Variants in TTC29 observed in about 807,000 individuals in gnomAD.
TTC29 encodes tetratricopeptide repeat protein 29.
TTC29 carries 49 observed loss-of-function variants against 58.1 expected under a neutral mutation model. The ratio of observed to expected loss-of-function variants is 0.84; its 90% CI spans 0.67 to 1.07. The LOEUF (loss-of-function observed/expected upper bound fraction) is 1.07. Among genes scored for constraint, TTC29 ranks in the 50% least tolerant of loss-of-function variants. TTC29 has a pLI of 0.00. For synonymous variants in TTC29, 209 were observed against 196.8 expected (o/e 1.06, Z -0.52); for missense variants, 582 against 555.6 (o/e 1.05, Z -0.48).
At chr4:146,842,686 C>T (rs572443779) in intron 8 of TTC29, among the ~76,000 whole-genome samples, 8 of 152,156 alleles carry the variant, frequency 5.3e-5, no homozygotes, top group African/African-American at 1.9e-4. Flanking sequence ...CCTTCCCCAC[C>T]ATAAAAAGTC....
chr4:146,715,218 T>A (rs569959511), intron 11 of TTC29, among the ~76,000 whole-genome samples: 1 of 152,180 alleles, frequency 6.6e-6, no homozygotes, highest in East Asian at 1.9e-4. Flanking sequence ...CAAAAAACTA[T>A]AAAACTAGAA....
chr4:146,822,146 T>G (rs116733614), intron 9 of TTC29, among the ~76,000 whole-genome samples: 7,584 of 151,396 alleles, frequency 0.05, 321 homozygotes, highest in Admixed American at 0.12. Flanking sequence ...GGGATACATG[T>G]GTAGAACACA....
chr4:146,918,859 T>G (rs1264837584), intron 4 of TTC29, among the ~76,000 whole-genome samples: 1 of 151,064 alleles, frequency 6.6e-6, no homozygotes, highest in Non-Finnish European at 1.5e-5. Flanking sequence ...TCAGCATCAT[T>G]CATTTTCTTT....
At chr4:146,894,995 C>A (rs1561229528) in intron 6 of TTC29, among the ~76,000 whole-genome samples, 1 of 152,164 alleles carries the variant, frequency 6.6e-6, no homozygotes, top group Admixed American at 6.5e-5. Flanking sequence ...TGCTATCCCC[C>A]AAACAGTGAG....
chr4:146,912,135 C>G (rs1733938986), intron 4 of TTC29, among the ~76,000 whole-genome samples: 1 of 152,110 alleles, frequency 6.6e-6, no homozygotes, highest in African/African-American at 2.4e-5. Flanking sequence ...AATCTCATAG[C>G]CTTTTTAAGA....
chr4:146,711,171 G>T (rs1742465433), intron 11 of TTC29, among the ~76,000 whole-genome samples: 1 of 152,008 alleles, frequency 6.6e-6, no homozygotes, highest in Non-Finnish European at 1.5e-5. Flanking sequence ...CCTGGTAATG[G>T]ATTCAACCTT....
intron 11 of TTC29, among the ~76,000 whole-genome samples, chr4:146,732,047 G>A (rs1744375666): frequency 6.6e-6 from 1 of 152,118 alleles, no homozygotes; most frequent in Non-Finnish European, 1.5e-5. Flanking sequence ...ACAAGTTTTG[G>A]AAACAAAATA....
chr4:146,814,937 TC>T (rs1751295755), intron 10 of TTC29, among the ~76,000 whole-genome samples: 1 of 151,918 alleles, frequency 6.6e-6, no homozygotes, highest in Non-Finnish European at 1.5e-5. Flanking sequence ...CTTAAAGAAC[TC>T]CAAGAATGTC....
chr4:146,806,044 A>C (rs1407395286), intron 10 of TTC29, among the ~76,000 whole-genome samples: 1 of 152,190 alleles, frequency 6.6e-6, no homozygotes, highest in South Asian at 2.1e-4. Context: ...TCTCTGGAGA[A>C]ACCCTACAAG....
At chr4:146,815,871 C>T (rs186788698) in intron 10 of TTC29, among the ~76,000 whole-genome samples, 1 of 152,260 alleles carries the variant, frequency 6.6e-6, no homozygotes, top group Admixed American at 6.5e-5. Flanking sequence ...TACCTCCAAA[C>T]AACACCCAAA....
At chr4:146,866,421 A>G (rs947518102) in intron 8 of TTC29, among the ~76,000 whole-genome samples, 3 of 152,132 alleles carry the variant, frequency 2.0e-5, no homozygotes, top group Admixed American at 6.6e-5. Flanking sequence ...GTCTCTCAAA[A>G]ACTTTTTTTT....
intron 8 of TTC29, among the ~76,000 whole-genome samples, chr4:146,855,263 T>C (rs1490733322): frequency 6.6e-6 from 1 of 152,030 alleles, no homozygotes; most frequent in Non-Finnish European, 1.5e-5. Context: ...CAAAACCCCA[T>C]CTCTACTAAA....
chr4:146,938,409 GA>G (rs1736048994), intron 3 of TTC29, among the ~76,000 whole-genome samples: 1 of 152,054 alleles, frequency 6.6e-6, no homozygotes, highest in Admixed American at 6.6e-5. Context: ...ATGAATACAA[GA>G]AAACGTTTTC....
At chr4:146,735,657 G>A (rs1201472024) in intron 11 of TTC29, among the ~76,000 whole-genome samples, 1 of 152,150 alleles carries the variant, frequency 6.6e-6, no homozygotes, top group Non-Finnish European at 1.5e-5. Context: ...GTAAGCCATG[G>A]GCGACTGGCT....
chr4:146,801,523 GC>G (rs1023806261), intron 11 of TTC29, among the ~76,000 whole-genome samples: 7 of 151,858 alleles, frequency 4.6e-5, no homozygotes, highest in Non-Finnish European at 8.8e-5. Context: ...AACTTAATCT[GC>G]CCCCCTCTAC....
chr4:146,729,721 A>G (rs1208514508), intron 11 of TTC29, among the ~76,000 whole-genome samples: 1 of 152,160 alleles, frequency 6.6e-6, no homozygotes, highest in Admixed American at 6.6e-5. Context: ...ACTTACAATC[A>G]TGGCAGAAGT....
At chr4:146,859,733 T>C (rs1730105495) in intron 8 of TTC29, among the ~76,000 whole-genome samples, 1 of 152,026 alleles carries the variant, frequency 6.6e-6, no homozygotes, top group African/African-American at 2.4e-5. Flanking sequence ...GTGGGAGTTT[T>C]GGGTTTAGGG....
chr4:146,794,281 C>A (rs543074251), intron 11 of TTC29, among the ~76,000 whole-genome samples: 1 of 152,202 alleles, frequency 6.6e-6, no homozygotes, highest in Non-Finnish European at 1.5e-5. Flanking sequence ...TAATAGCCTG[C>A]TCATCCATGC....
chr4:146,708,357 C>CGTATATATATATATATATATAT (rs1742209541), intron 11 of TTC29, among the ~76,000 whole-genome samples: 6 of 16,834 alleles, frequency 3.6e-4, no homozygotes, highest in African/African-American at 6.9e-4. Context: ...TATATATATA[C>CGTATATATATATATATATATAT]ACATGTATGT....
Sources: allele counts gnomAD v4.1 joint callset (sites outside exome capture counted in the v4.1 genomes callset), GRCh38; gene constraint gnomAD v4.1.1; transcripts MANE v1.5; gene names NCBI Gene and HGNC (gene_info 2026-07-23, HGNC 2026-07-21).